ATP10B: variants seen among roughly 807,000 people sequenced by gnomAD.
The protein encoded by ATP10B is ATPase phospholipid transporting 10B (putative), also known as phospholipid-transporting ATPase VB.
A neutral mutation model predicts 141.2 loss-of-function variants in ATP10B; 122 were observed. The observed-to-expected ratio is 0.86, with a 90% CI of 0.75 to 1.00. The LOEUF (loss-of-function observed/expected upper bound fraction) is 1.00, where lower values mean the gene tolerates loss of function less well. ATP10B is among the 50% of genes least tolerant of loss of function. The pLI, the probability that ATP10B is intolerant of heterozygous loss-of-function variation, is 0.00. For synonymous variants in ATP10B, 685 were observed against 692.0 expected (o/e 0.99, Z 0.16); for missense variants, 1,876 against 1,825.3 (o/e 1.03, Z -0.51).
intron 3 of ATP10B, among the ~76,000 whole-genome samples, chr5:160,701,380 A>G (rs1223809118): frequency 1.3e-5 from 2 of 152,066 alleles, no homozygotes; most frequent in Non-Finnish European, 2.9e-5. Flanking sequence ...TTTCTCTCCC[A>G]CTGACACACC....
chr5:160,850,691 G>A (rs1296966451), intron 1 of ATP10B, among the ~76,000 whole-genome samples: 1 of 152,130 alleles, frequency 6.6e-6, no homozygotes, highest in Non-Finnish European at 1.5e-5. Context: ...TGATTTAACT[G>A]TAAAAAGTCA....
In ATP10B at chr5:160,782,927, G is replaced by A. The variant is rs1394197981; in HGVS notation, c.-331+2632C>T. Among the ~76,000 whole-genome samples the A allele has an allele frequency of 2.6e-5, 4 of 151,852 alleles. No individual in the cohort carries two copies. The East Asian group carries it at 7.7e-4, about 29-fold the overall frequency. On this transcript the variant is annotated intron_variant, in intron 2 of 25. Coordinates refer to ENST00000327245, the MANE Select transcript of ATP10B (RefSeq NM_025153.3). ...ATGTGTTATGTGTTTATACATAACA[G>A]GTATTTCCATTATATAGAAGTATAT...
intron 2 of ATP10B, among the ~76,000 whole-genome samples, chr5:160,747,836 CT>C (rs1767904493): frequency 6.6e-6 from 1 of 152,068 alleles, no homozygotes; most frequent in Non-Finnish European, 1.5e-5. Context: ...TCATAGCTTG[CT>C]TTTATCTTTG....
At chr5:160,888,577 C>G in the ATP10B span, among the ~76,000 whole-genome samples, 2 of 152,152 alleles carry the variant, frequency 1.3e-5, no homozygotes, top group Admixed American at 6.5e-5. Context: ...AAGGACCGTT[C>G]TTCTCTCTGG....
At chr5:160,578,857 C>T (rs1005390306) in intron 24 of ATP10B, among the ~76,000 whole-genome samples, 3 of 152,150 alleles carry the variant, frequency 2.0e-5, no homozygotes, top group African/African-American at 7.2e-5. Context: ...TGTTTCCTGA[C>T]GTTTTAATGA....
chr5:160,773,642 G>A (rs770825876), intron 2 of ATP10B, among the ~76,000 whole-genome samples: 1 of 152,176 alleles, frequency 6.6e-6, no homozygotes, highest in Non-Finnish European at 1.5e-5. Flanking sequence ...CAAGCAAGTG[G>A]CAGATCTAGG....
At position 160,598,605 on chromosome 5, in the gene ATP10B, G is replaced by A. The variant is rs73819454; in HGVS notation, c.3564+165C>T. 2.6e-4 allele frequency among the ~76,000 whole-genome samples: 39 copies of A among 152,156 alleles called. No individual in the cohort carries two copies. In the East Asian group the frequency reaches 5.4e-3, roughly 21 times the overall value. ...ACACCCTCAATAGCAAGTAAGAAAC[G>A]GGTCAGGAAAGGAGAGAGGAGTTAC... On this transcript the variant is annotated intron_variant, in intron 22 of 25. Coordinates refer to ENST00000327245, the MANE Select transcript of ATP10B (RefSeq NM_025153.3).
At chr5:160,676,739 A>G (rs1412836338) in intron 6 of ATP10B, among the ~76,000 whole-genome samples, 1 of 152,222 alleles carries the variant, frequency 6.6e-6, no homozygotes, top group Non-Finnish European at 1.5e-5. Context: ...TCTAACAATG[A>G]TATTTTAAAT....
intron 24 of ATP10B, among the ~76,000 whole-genome samples, chr5:160,574,739 C>T (rs1378137235): frequency 1.3e-5 from 2 of 151,610 alleles, no homozygotes; most frequent in African/African-American, 4.9e-5. Flanking sequence ...TTTGCCCTTT[C>T]ACCATGTGAG....
chr5:160,846,324 C>T (rs991649763), intron 1 of ATP10B, among the ~76,000 whole-genome samples: 1 of 152,116 alleles, frequency 6.6e-6, no homozygotes, highest in Non-Finnish European at 1.5e-5. Context: ...TTGTATATGA[C>T]AGGAACTATA....
the ATP10B span, among the ~76,000 whole-genome samples, chr5:160,912,655 A>G: frequency 6.6e-6 from 1 of 151,960 alleles, no homozygotes; most frequent in Non-Finnish European, 1.5e-5. Flanking sequence ...GAGAAGAGAG[A>G]AAAAAGAGAA....
At position 160,776,164 on chromosome 5, in the gene ATP10B, A is replaced by C. The variant is rs1262126412; in HGVS notation, c.-331+9395T>G. 2.6e-5 allele frequency among the ~76,000 whole-genome samples: 4 copies of C among 152,086 alleles called. No individual in the cohort carries two copies. The South Asian group carries it at 6.2e-4, about 24-fold the overall frequency. On this transcript the variant is annotated intron_variant, in intron 2 of 25. Transcript: ENST00000327245. ...TTGATGGTATCATATCAGGCTGTAA[A>C]ATCCATGGGGGCCAGGATTGTGCCT...
At position 160,602,291 on chromosome 5, in the gene ATP10B, C is replaced by T. The variant is rs569528130; in HGVS notation, c.3363+286G>A. ...TATGGGAATCTGGATTTAAACCCAA[C>T]GTGTCTGACTCCAGAGTCTACACTT... is the stretch of plus-strand genomic sequence containing the variant. On this transcript the variant is annotated intron_variant, in intron 21 of 25. Transcript: ENST00000327245. Among the ~76,000 whole-genome samples the T allele has an allele frequency of 1.2e-4, 19 of 152,244 alleles. No individual in the cohort carries two copies. The South Asian group carries it at 1.5e-3, about 12-fold the overall frequency.
intron 1 of ATP10B, among the ~76,000 whole-genome samples, chr5:160,827,738 A>C (rs1774740671): frequency 2.0e-5 from 3 of 152,030 alleles, no homozygotes; most frequent in Non-Finnish European, 4.4e-5. Flanking sequence ...AATCCATCTT[A>C]ATTTTTGTAT....
chr5:160,894,198 T>C, the ATP10B span, among the ~76,000 whole-genome samples: 1 of 151,952 alleles, frequency 6.6e-6, no homozygotes, highest in Admixed American at 6.5e-5. Flanking sequence ...GAGAATGAGT[T>C]TGATGAATGA....
In ATP10B at chr5:160,703,449, T is replaced by C. The variant is rs1328091337; in HGVS notation, c.-205+13460A>G. ...CTTATAAAAATAGTCATAATCTTTTTGCTGTTGGAGAGTTTTGTCTTGATG... is the reference window on the plus strand; with the variant it reads ...CTTATAAAAATAGTCATAATCTTTTCGCTGTTGGAGAGTTTTGTCTTGATG... On this transcript the variant is annotated intron_variant, in intron 3 of 25. Coordinates refer to ENST00000327245, the MANE Select transcript of ATP10B (RefSeq NM_025153.3). Among the ~76,000 whole-genome samples, 2 of 151,144 alleles carry C rather than the reference T, an allele frequency of 1.3e-5. 1 individual carries two copies. Among genetic ancestry groups the C allele is most frequent in the Non-Finnish European group, 2.9e-5 (2 of 67,916 alleles).
chr5:160,729,125 G>A (rs1242842218), intron 2 of ATP10B, among the ~76,000 whole-genome samples: 1 of 152,172 alleles, frequency 6.6e-6, no homozygotes, highest in Non-Finnish European at 1.5e-5. Context: ...TTACATTATT[G>A]TTAGGCCCCT....
At chr5:160,577,466 C>T (rs1459548286) in intron 24 of ATP10B, among the ~76,000 whole-genome samples, 1 of 152,134 alleles carries the variant, frequency 6.6e-6, no homozygotes, top group Non-Finnish European at 1.5e-5. Flanking sequence ...CATGTGCCCA[C>T]CCTGGACCAA....
intron 6 of ATP10B, among the ~76,000 whole-genome samples, chr5:160,683,155 C>T (rs1763536004): frequency 6.6e-6 from 1 of 152,002 alleles, no homozygotes; most frequent in South Asian, 2.1e-4. Flanking sequence ...GTGATTTCAT[C>T]CTCTCTTTAT....
Sources: allele counts gnomAD v4.1 joint callset (sites outside exome capture counted in the v4.1 genomes callset), GRCh38; gene constraint gnomAD v4.1.1; transcripts MANE v1.5; gene names NCBI Gene and HGNC (gene_info 2026-07-23, HGNC 2026-07-21).